LRRC49: variants seen among roughly 807,000 people sequenced by gnomAD.
LRRC49 encodes leucine-rich repeat-containing protein 49.
A neutral mutation model predicts 83.3 loss-of-function variants in LRRC49; 50 were observed. The ratio of observed to expected loss-of-function variants is 0.60; its 90% CI spans 0.48 to 0.76. The LOEUF is 0.76. LRRC49 is among the 30% of genes least tolerant of loss of function. The pLI, the probability that LRRC49 is intolerant of heterozygous loss-of-function variation, is 0.00. For synonymous variants in LRRC49, 286 were observed against 283.3 expected (o/e 1.01, Z -0.10); for missense variants, 704 against 809.1 (o/e 0.87, Z 1.58).
intron 9 of LRRC49, among the ~76,000 whole-genome samples, chr15:70,964,949 C>T (rs1303779322): frequency 2.6e-5 from 4 of 152,166 alleles, no homozygotes; most frequent in Admixed American, 6.5e-5. Context: ...TCTAAGGTGG[C>T]TAGCTAATAG....
intron 6 of LRRC49, among the ~76,000 whole-genome samples, chr15:70,917,043 G>A (rs954957000): frequency 1.3e-5 from 2 of 152,322 alleles, no homozygotes; most frequent in East Asian, 3.9e-4. Context: ...TGGGTGCTGT[G>A]GCAGCCTGGC....
At chr15:70,875,169 A>G (rs745459810) in intron 2 of LRRC49, among the ~76,000 whole-genome samples, 3 of 152,226 alleles carry the variant, frequency 2.0e-5, no homozygotes, top group Non-Finnish European at 4.4e-5. Context: ...CTAAAGTTCC[A>G]TTCAGCTCCA....
chr15:70,950,128 G>T (rs1414702337), intron 8 of LRRC49, among the ~76,000 whole-genome samples: 2 of 152,090 alleles, frequency 1.3e-5, no homozygotes, highest in African/African-American at 4.8e-5. Flanking sequence ...CCATGTTGCT[G>T]CAAAAGATAT....
Position 70,894,269 on chromosome 15 carries a change from T to C in LRRC49, c.105+629T>C, listed in dbSNP as rs115444709. Among the ~76,000 whole-genome samples the C allele has an allele frequency of 4.6e-3, 702 of 152,288 alleles. 9 individuals carry two copies. The highest frequency in any genetic ancestry group is 0.016 in the African/African-American group (683 of 41,552). ...GTCATAGTTTAATTGGGGAGGTTTTTTTTCTTTCTTAATAGAGGGTAAAAT... is the reference window on the plus strand; with the variant it reads ...GTCATAGTTTAATTGGGGAGGTTTTCTTTCTTTCTTAATAGAGGGTAAAAT... On this transcript the variant is annotated intron_variant, in intron 2 of 15. Coordinates refer to ENST00000260382, the MANE Select transcript of LRRC49 (RefSeq NM_017691.5).
chr15:70,906,000 A>C (rs764230221), intron 5 of LRRC49, among the ~76,000 whole-genome samples: 39 of 152,034 alleles, frequency 2.6e-4, no homozygotes, highest in Non-Finnish European at 4.6e-4. Context: ...AAGTATCTTA[A>C]ATTTAAGGTA....
intron 11 of LRRC49, among the ~76,000 whole-genome samples, chr15:70,987,676 A>C (rs1385289309): frequency 6.6e-6 from 1 of 152,048 alleles, no homozygotes; most frequent in Admixed American, 6.5e-5. Context: ...GCCTTCTACT[A>C]GCTTTTGAAT....
chr15:70,951,637 T>C lies in LRRC49; in HGVS notation c.774-12148T>C, dbSNP rs549781760. On this transcript the variant is annotated intron_variant, in intron 8 of 15. Transcript: ENST00000260382. ...ATCCTGAAACTTTACTAAGGTTGTTTATCAGTTCTAGAAGCCTTATGATGG... is the reference window on the plus strand; with the variant it reads ...ATCCTGAAACTTTACTAAGGTTGTTCATCAGTTCTAGAAGCCTTATGATGG... Among the ~76,000 whole-genome samples, 9 of 152,276 alleles carry C rather than the reference T, an allele frequency of 5.9e-5. No individual in the cohort carries two copies. The East Asian group carries it at 1.7e-3, about 29-fold the overall frequency.
rs190978261 is a variant in LRRC49 at position 71,017,654 on chromosome 15, G to A, written c.1703+4741G>A. Among the ~76,000 whole-genome samples, 166 of 152,230 alleles carry A rather than the reference G, an allele frequency of 1.1e-3. 3 individuals are homozygous for A. The highest frequency in any genetic ancestry group is 0.011 in the Admixed American group (162 of 15,302). ...GAAATACAACTTAAATTAAAATAATGCGATGTCATTTTTGCCAATGAGATT... is the reference window on the plus strand; with the variant it reads ...GAAATACAACTTAAATTAAAATAATACGATGTCATTTTTGCCAATGAGATT... On this transcript the variant is annotated intron_variant, in intron 14 of 15. Coordinates refer to ENST00000260382, the MANE Select transcript of LRRC49 (RefSeq NM_017691.5).
At chr15:70,896,460 C>T (rs918982490) in intron 3 of LRRC49, among the ~76,000 whole-genome samples, 4 of 152,156 alleles carry the variant, frequency 2.6e-5, no homozygotes, top group African/African-American at 4.8e-5. Context: ...AGGTCTTGAG[C>T]GGGATTTGGA....
At chr15:70,860,112 A>G in intron 1 of LRRC49, 2 of 708,020 alleles carry the variant, frequency 2.8e-6, no homozygotes, top group Non-Finnish European at 5.1e-6. Flanking sequence ...GAAGATTGAG[A>G]CCCGTGATGG....
At chr15:70,892,985 C>T in intron 1 of LRRC49, 43 bp downstream of exon 1, 1 of 1,603,714 alleles carries the variant, frequency 6.2e-7, no homozygotes, top group Non-Finnish European at 8.5e-7. Flanking sequence ...CACTGGTACT[C>T]TTTCTGACTG....
intron 2 of LRRC49, among the ~76,000 whole-genome samples, chr15:70,886,718 T>C (rs1209324337): frequency 6.6e-6 from 1 of 151,682 alleles, no homozygotes; most frequent in African/African-American, 2.4e-5. Flanking sequence ...ATACAAAAAT[T>C]AGCTGGGTGC....
intron 7 of LRRC49, among the ~76,000 whole-genome samples, chr15:70,919,506 GTTAT>G (rs1411824190): frequency 6.6e-6 from 1 of 152,160 alleles, no homozygotes; most frequent in African/African-American, 2.4e-5. Flanking sequence ...AAGAAAGAGG[GTTAT>G]TTGTGACTGA....
chr15:70,872,381 C>G lies in LRRC49; in HGVS notation c.-298-527C>G, dbSNP rs932402177. Among the ~76,000 whole-genome samples the G allele has an allele frequency of 4.2e-5, 6 of 143,164 alleles. No individual in the cohort carries two copies. The East Asian group carries it at 1.3e-3, about 30-fold the overall frequency. 93.9% of individuals were successfully genotyped at this position (143,164 alleles called of 152,430 possible). On this transcript the variant is annotated intron_variant, in intron 1 of 16. Transcript: ENST00000544974. Reference sequence around the variant, plus strand: ...CCTCGGCTCGGCATCAGAGGGAGACCGCGGAAAGTGGGAGACGGAGACGTA... The same window carrying G: ...CCTCGGCTCGGCATCAGAGGGAGACGGCGGAAAGTGGGAGACGGAGACGTA...
At chr15:70,877,202 G>A (rs2033169421) in intron 2 of LRRC49, among the ~76,000 whole-genome samples, 1 of 152,160 alleles carries the variant, frequency 6.6e-6, no homozygotes, top group Non-Finnish European at 1.5e-5. Context: ...CAAAATAATA[G>A]TGTATTGCTT....
intron 1 of LRRC49, among the ~76,000 whole-genome samples, chr15:70,865,956 G>T (rs2032900672): frequency 6.6e-6 from 1 of 152,078 alleles, no homozygotes; most frequent in South Asian, 2.1e-4. Flanking sequence ...TAGGTTCATA[G>T]CATCCTGTGT....
intron 9 of LRRC49, among the ~76,000 whole-genome samples, chr15:70,974,362 T>C (rs889622434): frequency 2.6e-5 from 4 of 152,158 alleles, no homozygotes; most frequent in African/African-American, 9.7e-5. Context: ...TTGTATGACA[T>C]GGTTATGTAG....
At chr15:70,868,388 C>G (rs1419066001) in intron 1 of LRRC49, among the ~76,000 whole-genome samples, 1 of 152,180 alleles carries the variant, frequency 6.6e-6, no homozygotes, top group Admixed American at 6.5e-5. Flanking sequence ...ACTAAAATCC[C>G]TTATACTTAT....
intron 14 of LRRC49, among the ~76,000 whole-genome samples, chr15:71,020,041 G>A (rs146982684): frequency 7.8e-4 from 119 of 152,190 alleles, no homozygotes; most frequent in African/African-American, 2.8e-3. Flanking sequence ...ACTATAAAAC[G>A]ACTGTGCCTG....
Sources: gnomAD v4.1 joint callset for allele counts (sites outside exome capture counted in the v4.1 genomes callset) on GRCh38, gnomAD v4.1.1 for gene constraint, MANE v1.5 for transcripts, NCBI Gene and HGNC (gene_info 2026-07-23, HGNC 2026-07-21) for gene names.